Variants in THRA observed in about 807,000 individuals in gnomAD.
The protein encoded by THRA is EAR-7.
THRA carries 13 observed loss-of-function variants against 45.0 expected under a neutral mutation model. The observed-to-expected ratio is 0.29, with a 90% CI of 0.19 to 0.46. THRA has a LOEUF of 0.46. Ranked by LOEUF, THRA falls within the 20% of genes least tolerant of loss-of-function variation. The pLI is 1.00. For missense variants in THRA, 278 were observed against 556.1 expected, an observed-to-expected ratio of 0.50 and a Z score of 5.03; for synonymous variants, 195 against 214.0, an observed-to-expected ratio of 0.91 and a Z score of 0.78.
chr17:40,088,859 A>C (rs1483872424), intron 8 of THRA, among the ~76,000 whole-genome samples: 1 of 133,472 alleles, frequency 7.5e-6, no homozygotes, highest in Non-Finnish European at 1.6e-5. Context: ...CTTACCCCTC[A>C]GTCCCCTCCC....
intron 8 of THRA, 100 bp downstream of exon 8, chr17:40,088,600 T>C: frequency 6.9e-7 from 1 of 1,441,362 alleles, no homozygotes; most frequent in Non-Finnish European, 9.4e-7. Context: ...AATCTTCTTC[T>C]GGGCTACCTC....
At chr17:40,083,359 A>G (rs548217736) in intron 4 of THRA, among the ~76,000 whole-genome samples, 83 of 151,760 alleles carry the variant, frequency 5.5e-4, no homozygotes, top group East Asian at 9.8e-4. Flanking sequence ...GAGCCACTGC[A>G]CCCAACCTCA....
intron 2 of THRA, among the ~76,000 whole-genome samples, chr17:40,076,422 C>T (rs1416781712): frequency 6.6e-6 from 1 of 152,154 alleles, no homozygotes; most frequent in African/African-American, 2.4e-5. Flanking sequence ...TATGTTGGCC[C>T]TGGTGCATAC....
rs190596188 is a variant in THRA, at chr17:40,063,555, A to T, written c.-298+463A>T. On this transcript the variant is annotated intron_variant, in intron 1 of 8. Coordinates refer to ENST00000450525, the MANE Select transcript of THRA (RefSeq NM_199334.5). ...GCTGCCTCCAGCTGCGGAGGGCAGT[A>T]TGAGTGCGGTGGCGCGGGTGGGCTT... is the stretch of plus-strand genomic sequence containing the variant. Among the ~76,000 whole-genome samples the T allele has an allele frequency of 2.6e-3, 397 of 152,086 alleles. 3 individuals carry two copies. The highest frequency in any genetic ancestry group is 9.1e-3 in the African/African-American group (378 of 41,530).
At chr17:40,093,409 GAGA>G (rs764648047), downstream of THRA, 9 of 1,598,100 alleles carry the variant, frequency 5.6e-6, no homozygotes, top group Admixed American at 1.7e-5. This position sits in a 1 kb window ranked among gnomAD's most constrained non-coding sequence, Gnocchi z 5.9. Flanking sequence ...GATGGGGAAG[GAGA>G]AGGAGTGCCA....
chr17:40,065,989 C>T (rs1368928636), intron 1 of THRA, among the ~76,000 whole-genome samples: 1 of 152,234 alleles, frequency 6.6e-6, no homozygotes, highest in Non-Finnish European at 1.5e-5. Flanking sequence ...GGGTCCACTG[C>T]AGGGCTCACA....
intron 1 of THRA, among the ~76,000 whole-genome samples, chr17:40,069,735 G>A (rs1986707139): frequency 6.6e-6 from 1 of 151,930 alleles, no homozygotes; most frequent in Admixed American, 6.6e-5. Flanking sequence ...GATAAGGAGG[G>A]GCTGAGTTCT....
intron 1 of THRA, among the ~76,000 whole-genome samples, chr17:40,066,158 G>T (rs1183553295): frequency 6.6e-6 from 1 of 152,204 alleles, no homozygotes; most frequent in Non-Finnish European, 1.5e-5. Context: ...GCAGGTTCCA[G>T]CCTAGAAGGG....
rs899684199 is a variant in THRA at position 40,089,355 on chromosome 17, G to A, written c.1132G>A (p.Gly378Arg). Residue 378 changes from glycine (G) to arginine (R), a missense_variant, in exon 9 of 9, where the codon GGG becomes AGG. By Grantham distance (125) the Gly-to-Arg change is moderately radical. Coordinates refer to ENST00000450525, the MANE Select transcript of THRA (RefSeq NM_199334.5). The surrounding 1 kb of genome is among the most constrained non-coding windows in gnomAD (Gnocchi z 6.1). ...LMKVTDLRMI[G>R]ACHASRFLHM... The stretch of plus-strand genomic sequence containing the variant: ...GAAGGTGACTGACCTCCGCATGATC[G>A]GGGCCTGCCACGCCAGCCGCTTCCT... 1.9e-6 allele frequency: 3 copies of A among 1,613,942 alleles called. No individual in the cohort carries two copies. The highest frequency in any genetic ancestry group is 2.5e-6 in the Non-Finnish European group (3 of 1,180,018).
chr17:40,087,102 A>G, intron 7 of THRA: 1 of 514,932 alleles, frequency 1.9e-6, no homozygotes, highest in Non-Finnish European at 3.5e-6. Context: ...ACAGACACAC[A>G]TACACACACA....
chr17:40,066,044 A>G (rs1305233450), intron 1 of THRA, among the ~76,000 whole-genome samples: 2 of 152,222 alleles, frequency 1.3e-5, no homozygotes, highest in East Asian at 3.9e-4. Flanking sequence ...CACCTCAGAG[A>G]TGCCCAACAG....
chr17:40,076,740 G>T, intron 2 of THRA, 131 bp from the exon 3 acceptor site: 1 of 884,046 alleles, frequency 1.1e-6, no homozygotes, highest in African/African-American at 1.7e-5. Context: ...AGCTGACCCT[G>T]GGGGGTGGGA....
At chr17:40,078,904 A>G (rs1401603449) in intron 4 of THRA, among the ~76,000 whole-genome samples, 1 of 151,568 alleles carries the variant, frequency 6.6e-6, no homozygotes, top group Admixed American at 6.6e-5. Flanking sequence ...GCTAACTTTT[A>G]TATTTTTAAT....
rs1253625927 is a variant in THRA at position 40,089,549 on chromosome 17, C to T, written c.*93C>T. On this transcript the variant is annotated 3_prime_UTR_variant, in exon 9 of 9. Transcript: ENST00000450525. The surrounding 1 kb of genome is among the most constrained non-coding windows in gnomAD (Gnocchi z 6.1). ...GGGCTGAGGGAGACCCCCCCACACC[C>T]CTTCTCTCCTTCCTCTCGTCCTTGG... 4 of 1,504,024 alleles carry T rather than the reference C, an allele frequency of 2.7e-6. No individual in the cohort carries two copies. Among genetic ancestry groups the T allele is most frequent in the African/African-American group, 2.8e-5 (2 of 71,814 alleles). 93.2% of individuals were successfully genotyped at this position (1,504,024 alleles called of 1,614,324 possible). A position where few individuals can be genotyped will look rare whatever the true frequency, so the allele number is the denominator to read the frequency against.
intron 1 of THRA, among the ~76,000 whole-genome samples, chr17:40,065,773 G>GC (rs1491208788): frequency 4.7e-5 from 2 of 42,770 alleles, no homozygotes; most frequent in Non-Finnish European, 7.8e-5. Context: ...AATGGGGGAA[G>GC]GGGGGGGGGG....
chr17:40,084,336 G>A (rs757566375), intron 5 of THRA: 6 of 515,772 alleles, frequency 1.2e-5, no homozygotes, highest in African/African-American at 1.9e-5. Flanking sequence ...CTGGGGATTG[G>A]GTGGCAGGAT....
intron 7 of THRA, 43 bp from the exon 8 acceptor site, chr17:40,088,199 G>A (rs1400669302): frequency 1.9e-6 from 3 of 1,546,708 alleles, no homozygotes; most frequent in Admixed American, 3.8e-5. Flanking sequence ...AAGGACGCGG[G>A]GAGGGGTATG....
At chr17:40,079,656 A>C (rs1403206132) in intron 4 of THRA, among the ~76,000 whole-genome samples, 1 of 152,180 alleles carries the variant, frequency 6.6e-6, no homozygotes. Flanking sequence ...AGATCACCTG[A>C]GGTTACCACA....
intron 6 of THRA, among the ~76,000 whole-genome samples, chr17:40,086,082 A>G (rs1252226238): frequency 6.6e-6 from 1 of 152,226 alleles, no homozygotes; most frequent in Admixed American, 6.5e-5. Context: ...GCTGCACTCC[A>G]GCCCAGGCAA....
Sources: allele counts gnomAD v4.1 joint callset (sites outside exome capture counted in the v4.1 genomes callset), GRCh38; gene constraint gnomAD v4.1.1; non-coding constraint Gnocchi (gnomAD v3.1); transcripts MANE v1.5; gene names NCBI Gene and HGNC (gene_info 2026-07-23, HGNC 2026-07-21).